NBPF12: variants seen among roughly 807,000 people sequenced by gnomAD.
NBPF12 encodes NBPF family member NBPF12.
In NBPF12, 115 loss-of-function variants were observed where a neutral mutation model predicts 146.4. That is an observed-to-expected ratio of 0.79 (90% CI 0.68 to 0.92). The LOEUF is 0.92. Among genes scored for constraint, NBPF12 ranks in the 40% least tolerant of loss-of-function variants. The probability of loss-of-function intolerance (pLI) is 0.00; values close to 1 mark genes in which losing one functional copy is unlikely to be tolerated. For missense variants in NBPF12, 1,205 were observed against 1,326.8 expected, an observed-to-expected ratio of 0.91 and a Z score of 1.43; for synonymous variants, 385 against 508.9, an observed-to-expected ratio of 0.76 and a Z score of 3.28.
intron 10 of NBPF12, 42 bp from the exon 14 acceptor site, chr1:146,969,340 A>G (rs1656427171): frequency 6.6e-6 from 5 of 760,346 alleles, no homozygotes; most frequent in Non-Finnish European, 1.1e-5. Flanking sequence ...CGGATCACTC[A>G]ACCCTTTCCA....
intron 14 of NBPF12, 109 bp downstream of exon 17, chr1:146,973,069 C>T: frequency 1.5e-6 from 1 of 667,056 alleles, no homozygotes; most frequent in Non-Finnish European, 2.7e-6. Flanking sequence ...CCCCATACTT[C>T]TAGGAAAACA....
intron 19 of NBPF12, among the ~76,000 whole-genome samples, chr1:146,980,246 G>A (rs1278471137): frequency 3.9e-5 from 6 of 152,002 alleles, no homozygotes; most frequent in Admixed American, 6.5e-5. Flanking sequence ...ACAGCGCACC[G>A]ATGGGTCTTG....
At chr1:146,951,244 A>C in intron 1 of NBPF12, 104 bp from the exon 5 acceptor site, 1 of 673,814 alleles carries the variant, frequency 1.5e-6, no homozygotes, top group Non-Finnish European at 2.7e-6. Context: ...AGGGCACTCA[A>C]GTGAACAGGG....
intron 18 of NBPF12, among the ~76,000 whole-genome samples, chr1:146,978,070 G>A (rs1349176753): frequency 6.6e-6 from 1 of 151,534 alleles, no homozygotes; most frequent in African/African-American, 2.4e-5. Context: ...TGTTCCCCAG[G>A]CTTCACTGCT....
At chr1:146,966,343 C>G (rs1349609884) in intron 8 of NBPF12, 121 bp from the exon 12 acceptor site, 10 of 913,008 alleles carry the variant, frequency 1.1e-5, no homozygotes, top group East Asian at 2.4e-5. Context: ...AGAGTGAAAC[C>G]AGGGAAACAT....
At chr1:146,994,641 A>T in exon 34 of NBPF12, 1 of 1,583,832 alleles carries the variant, frequency 6.3e-7, no homozygotes. Context: ...TGAAGATTTG[A>T]ATGAAACTAT....
chr1:146,938,356 G>T (rs1173906486), upstream of NBPF12, among the ~76,000 whole-genome samples: 6 of 152,126 alleles, frequency 3.9e-5, no homozygotes, highest in Non-Finnish European at 8.8e-5. Flanking sequence ...GCGGCAGCGC[G>T]AAGCCTGCAG....
At chr1:146,946,985 G>A (rs1325007332), upstream of NBPF12, among the ~76,000 whole-genome samples, 1 of 151,990 alleles carries the variant, frequency 6.6e-6, no homozygotes, top group African/African-American at 2.4e-5. Flanking sequence ...TCAGTGGACT[G>A]TATGTAGGCC....
intron 1 of NBPF12, among the ~76,000 whole-genome samples, chr1:146,949,772 C>G (rs2101821329): frequency 6.6e-6 from 1 of 151,720 alleles, no homozygotes; most frequent in Admixed American, 6.6e-5. Context: ...GGCCCTTTTT[C>G]TGTGCTGGCT....
intron 5 of NBPF12, 30 bp downstream of exon 8, chr1:146,962,293 G>T: frequency 6.4e-7 from 1 of 1,565,844 alleles, no homozygotes; most frequent in Non-Finnish European, 8.7e-7. Flanking sequence ...GGAGGCAGGC[G>T]GGTAGGTGTG....
chr1:146,946,970 G>A (rs1280920081), upstream of NBPF12, among the ~76,000 whole-genome samples: 300 of 152,054 alleles, frequency 2.0e-3, 1 homozygote, highest in Admixed American at 4.0e-3. Flanking sequence ...AAGCTCCATG[G>A]AAGATCAGTG....
At position 146,971,172 on chromosome 1, in the gene NBPF12, T is replaced by C. The variant is rs1656587618; in HGVS notation, c.1380-11T>C. 6.2e-7 allele frequency: 1 copy of C among 1,611,032 alleles called. No homozygotes were observed. Among genetic ancestry groups the C allele is most frequent in the Non-Finnish European group, 8.5e-7 (1 of 1,179,674 alleles). On this transcript the variant is annotated splice_polypyrimidine_tract_variant and intron_variant, in intron 12 of 33. Transcript: ENST00000617844. ...AATCTTCTGTCATCTCTGTCCCACC[T>C]GGCTCATCAGGGAGATGCAGAAGGC...
intron 1 of NBPF12, among the ~76,000 whole-genome samples, 186 bp from the exon 5 acceptor site, chr1:146,951,162 A>G (rs1655307544): frequency 6.6e-6 from 1 of 152,096 alleles, no homozygotes; most frequent in Non-Finnish European, 1.5e-5. Flanking sequence ...ACCACCATGA[A>G]GTTGGGATTC....
chr1:146,969,046 C>T (rs1398843707), intron 10 of NBPF12, among the ~76,000 whole-genome samples: 3 of 151,494 alleles, frequency 2.0e-5, no homozygotes, highest in African/African-American at 7.3e-5. Context: ...GCAAGATGCA[C>T]TATGTGTATT....
chr1:146,967,372 G>T, intron 9 of NBPF12, among the ~76,000 whole-genome samples: 1 of 151,014 alleles, frequency 6.6e-6, no homozygotes, highest in Non-Finnish European at 1.5e-5. Flanking sequence ...GTGGTGGCAG[G>T]TGACTGTAAT....
chr1:146,961,569 C>T (rs1178365801), intron 4 of NBPF12, among the ~76,000 whole-genome samples: 1 of 148,910 alleles, frequency 6.7e-6, no homozygotes, highest in Non-Finnish European at 1.5e-5. Context: ...TAATCTAAAT[C>T]TTAATGCTGC....
At chr1:146,965,848 T>A (rs1437628870) in intron 8 of NBPF12, among the ~76,000 whole-genome samples, 8 of 121,050 alleles carry the variant, frequency 6.6e-5, no homozygotes, top group African/African-American at 2.6e-4. Context: ...CTGGCTCACA[T>A]CTTAATCCCA....
At chr1:146,952,396 C>G (rs1363558334) in intron 2 of NBPF12, among the ~76,000 whole-genome samples, 1 of 152,084 alleles carries the variant, frequency 6.6e-6, no homozygotes, top group Non-Finnish European at 1.5e-5. Context: ...GTGTACTCTT[C>G]AAAACATAAT....
At chr1:146,970,687 G>A (rs1656544126) in exon 12 of NBPF12, 27 of 1,426,892 alleles carry the variant, frequency 1.9e-5, no homozygotes, top group Admixed American at 1.2e-4. Context: ...AAGTTGAGGA[G>A]GATGAGAAAG....
Sources: gnomAD v4.1 joint callset for allele counts (sites outside exome capture counted in the v4.1 genomes callset) on GRCh38, gnomAD v4.1.1 for gene constraint, MANE v1.5 for transcripts, NCBI Gene and HGNC (gene_info 2026-07-23, HGNC 2026-07-21) for gene names.